ARHGAP36: variants seen among roughly 807,000 people sequenced by gnomAD.
The protein encoded by ARHGAP36 is rho GTPase-activating protein 36.
ARHGAP36 carries 7 observed loss-of-function variants against 32.9 expected under a neutral mutation model. The ratio of observed to expected loss-of-function variants is 0.21; its 90% CI spans 0.12 to 0.40. ARHGAP36 has a LOEUF of 0.40. ARHGAP36 is among the 10% of genes least tolerant of loss of function. ARHGAP36 has a pLI of 1.00. For missense variants in ARHGAP36, 383 were observed against 442.2 expected (o/e 0.87, Z 1.20); for synonymous variants, 165 against 168.3 (o/e 0.98, Z 0.15).
chrX:131,084,524 C>T, intron 5 of ARHGAP36, 102 bp from the exon 6 acceptor site: 3 of 1,127,721 alleles, frequency 2.7e-6, no homozygotes, highest in Non-Finnish European at 3.6e-6. Flanking sequence ...ATTCCCCTGA[C>T]ACCCAGTGGA....
chrX:131,084,466 C>G, intron 5 of ARHGAP36, 59 bp downstream of exon 5: 1 of 1,160,273 alleles, frequency 8.6e-7, no homozygotes, highest in Admixed American at 2.3e-5. Context: ...GAGGGATGTT[C>G]TGGAAATGGG....
At chrX:131,081,474 A>G (rs1174726961) in intron 1 of ARHGAP36, 50 bp from the exon 2 acceptor site, 13 of 935,525 alleles carry the variant, frequency 1.4e-5, no homozygotes, top group Non-Finnish European at 1.5e-5. Context: ...TTCCTGGACT[A>G]TCTGTTAAGG....
chrX:131,072,342 C>T (rs756191184), intron 1 of ARHGAP36, among the ~76,000 whole-genome samples: 24 of 111,786 alleles, frequency 2.1e-4, no homozygotes, highest in Non-Finnish European at 1.5e-4. Context: ...AGACCAGAGG[C>T]CCTAGACAGG....
At chrX:131,064,168 G>C (rs1184359729) in intron 1 of ARHGAP36, among the ~76,000 whole-genome samples, 3 of 111,820 alleles carry the variant, frequency 2.7e-5, no homozygotes, top group African/African-American at 9.8e-5. Flanking sequence ...AGACTGGGTT[G>C]GGGCTGGGTC....
At chrX:131,084,876 G>A (rs773273631) in intron 6 of ARHGAP36, 38 bp from the exon 7 acceptor site, 2 of 1,203,979 alleles carry the variant, frequency 1.7e-6, no homozygotes, top group East Asian at 5.9e-5. Flanking sequence ...GAGCTGTGGT[G>A]GGCCAGGCAG....
At chrX:131,085,807 G>T in intron 8 of ARHGAP36, 71 bp downstream of exon 8, 1 of 1,184,150 alleles carries the variant, frequency 8.4e-7, no homozygotes, top group African/African-American at 1.8e-5. Context: ...CAGCAAGAGG[G>T]TGGATGGAGA....
chrX:131,059,266 G>GAT (rs1198996156), intron 1 of ARHGAP36, among the ~76,000 whole-genome samples: 1 of 111,626 alleles, frequency 9.0e-6, no homozygotes, highest in African/African-American at 3.3e-5. Context: ...TCAGGAGACT[G>GAT]ATATTTTCTT....
At chrX:131,088,216 C>A (rs1222141062) in intron 11 of ARHGAP36, among the ~76,000 whole-genome samples, 1 of 112,855 alleles carries the variant, frequency 8.9e-6, no homozygotes, top group African/African-American at 3.2e-5. Flanking sequence ...GCAACACCTG[C>A]TTTCTGTCTT....
rs1292051932 is a variant in ARHGAP36, at chrX:131,081,647, A to G, written c.-19A>G. 1 of 1,037,068 alleles carries G rather than the reference A, an allele frequency of 9.6e-7. No homozygotes were observed. Among genetic ancestry groups the G allele is most frequent in the South Asian group, 1.8e-5 (1 of 54,285 alleles). The allele number at this position is 1,037,068 out of a possible 1,213,427, so 85.5% of individuals were successfully genotyped here. A position where few individuals can be genotyped will look rare whatever the true frequency, so the allele number is the denominator to read the frequency against. ...GTGACAATTGGATGATGCAGCCTTG[A>G]TAATCATCCGATTCCAGAATGGGTG... On this transcript the variant is annotated 5_prime_UTR_variant, in exon 2 of 12. It removes the in-frame stop codon of an upstream open reading frame in the 5' UTR. Transcript: ENST00000276211.
At chrX:131,058,921 G>C (rs1019301735) in intron 1 of ARHGAP36, among the ~76,000 whole-genome samples, 1 of 112,675 alleles carries the variant, frequency 8.9e-6, no homozygotes, top group Admixed American at 9.3e-5. Context: ...TAGAGTCGTC[G>C]AATTTAACCC....
At chrX:131,082,394 G>A (rs1334227587) in intron 2 of ARHGAP36, among the ~76,000 whole-genome samples, 1 of 112,696 alleles carries the variant, frequency 8.9e-6, no homozygotes, top group Non-Finnish European at 1.9e-5. Flanking sequence ...GGCGGTGCGG[G>A]CGCGGGGGCG....
chrX:131,078,695 G>T, intron 1 of ARHGAP36: 1 of 973,085 alleles, frequency 1.0e-6, no homozygotes, highest in Non-Finnish European at 1.3e-6. Flanking sequence ...GGGGACATTG[G>T]TCTTCCTAAA....
rs764288637 is a variant in ARHGAP36 at position 131,083,884 on chromosome X, G to T, written c.470G>T (p.Arg157Met). 2.5e-6 allele frequency: 3 copies of T among 1,212,328 alleles called. No individual in the cohort carries two copies. The highest frequency in any genetic ancestry group is 3.3e-6 in the Non-Finnish European group (3 of 895,675). ...AGRRRGNVVR[R>M]VFGRIRRFFS... ...CGTCGTCGGGGAAACGTGGTGCGAAGGGTGTTTGGCCGCATCCGGCGCTTT... is the reference window on the plus strand; with the variant it reads ...CGTCGTCGGGGAAACGTGGTGCGAATGGTGTTTGGCCGCATCCGGCGCTTT... The change falls in exon 4 of 12, where the codon AGG (arginine) becomes ATG (methionine). Residue 157 changes from arginine to methionine, a missense_variant. By Grantham distance (91) the Arg-to-Met change is moderately conservative (BLOSUM62 -1). This residue lies in a region of ARHGAP36 where 156 missense variants were observed against 131.0 expected (regional missense o/e 1.19). Transcript: ENST00000276211.
rs752794997 is a variant in ARHGAP36, at chrX:131,085,810, G to A, written c.1104+74G>A. Reference sequence around the variant, plus strand: ...GTGGGAGTATATCAGCAAGAGGGTGGATGGAGAGGAGAGAGAGAAACAAGA... The same window carrying A: ...GTGGGAGTATATCAGCAAGAGGGTGAATGGAGAGGAGAGAGAGAAACAAGA... On this transcript the variant is annotated intron_variant, in intron 8 of 11. Coordinates refer to ENST00000276211, the MANE Select transcript of ARHGAP36 (RefSeq NM_144967.4). 2.9e-5 allele frequency: 34 copies of A among 1,179,560 alleles called. No homozygotes were observed. In the Admixed American group the frequency reaches 4.5e-4, roughly 16 times the overall value.
At position 131,083,784 on chromosome X, in the gene ARHGAP36, G is replaced by C. The variant is rs975170998; in HGVS notation, c.370G>C (p.Glu124Gln). Residue 124 changes from glutamate (E) to glutamine (Q), a missense_variant, in exon 4 of 12, where the codon GAG (glutamate) becomes CAG (glutamine). By Grantham distance (29) the Glu-to-Gln change is conservative. Around this residue, in one of 2 missense-constraint regions of ARHGAP36, gnomAD observed 156 missense variants for 131.0 expected, o/e 1.19. Coordinates refer to ENST00000276211, the MANE Select transcript of ARHGAP36 (RefSeq NM_144967.4). ...TAGCCTGGAAGAGGTCCTGGTGAAC[G>C]AGTTTACCCGCCGCAAGCATCTTGA... Reference protein sequence around the residue: ...GISLEEVLVNEFTRRKHLELT... With the variant: ...GISLEEVLVNQFTRRKHLELT... The C allele has an allele frequency of 8.3e-7, 1 of 1,211,733 alleles. No homozygotes were observed. The highest frequency in any genetic ancestry group is 1.1e-6 in the Non-Finnish European group (1 of 895,466).
At chrX:131,061,367 G>A (rs2079667965) in intron 1 of ARHGAP36, among the ~76,000 whole-genome samples, 1 of 111,006 alleles carries the variant, frequency 9.0e-6, no homozygotes, top group Non-Finnish European at 1.9e-5. Context: ...AAGGCACTTG[G>A]GAGAGGCATC....
chrX:131,073,661 A>G (rs2079744526), intron 1 of ARHGAP36, among the ~76,000 whole-genome samples: 1 of 112,223 alleles, frequency 8.9e-6, no homozygotes, highest in East Asian at 2.8e-4. Flanking sequence ...GTGCCCTTAG[A>G]TAAACAGAAT....
intron 1 of ARHGAP36, among the ~76,000 whole-genome samples, chrX:131,081,065 T>C (rs189845551): frequency 1.8e-5 from 2 of 111,636 alleles, no homozygotes; most frequent in East Asian, 2.8e-4. Flanking sequence ...TTCCCTTTTT[T>C]TGTTACTATT....
chrX:131,070,431 C>T (rs1222642323), intron 1 of ARHGAP36, among the ~76,000 whole-genome samples: 2 of 111,589 alleles, frequency 1.8e-5, no homozygotes, highest in Non-Finnish European at 1.9e-5. Context: ...AGTGATAGAA[C>T]GTCTATATTC....
Sources: gnomAD v4.1 joint callset for allele counts (sites outside exome capture counted in the v4.1 genomes callset) on GRCh38, gnomAD v4.1.1 for gene constraint, gnomAD v4.1.1 regional missense constraint, MANE v1.5 for transcripts, NCBI Gene and HGNC (gene_info 2026-07-23, HGNC 2026-07-21) for gene names.